HEMK2: variants seen among roughly 807,000 people sequenced by gnomAD.
HEMK2 encodes HemK methyltransferase 2, ETF1 glutamine and histone H4 lysine, also known as methyltransferase HEMK2.
the HEMK2 span, among the ~76,000 whole-genome samples, chr21:28,800,851 CA>C: frequency 6.6e-6 from 1 of 152,024 alleles, no homozygotes; most frequent in African/African-American, 2.4e-5. Flanking sequence ...CAAAAGTAGC[CA>C]AAAGAAAAGC....
the HEMK2 span, among the ~76,000 whole-genome samples, chr21:28,588,876 A>G: frequency 2.0e-5 from 3 of 151,640 alleles, no homozygotes; most frequent in Middle Eastern, 3.2e-3. Flanking sequence ...CCAGCTACTC[A>G]GGAGGCTAAG....
the HEMK2 span, among the ~76,000 whole-genome samples, chr21:28,877,306 G>GGAAGGA: frequency 5.4e-5 from 2 of 37,238 alleles, no homozygotes; most frequent in Non-Finnish European, 1.7e-4. Context: ...GGAAGAGAGA[G>GGAAGGA]AGAAAGAGAG....
At chr21:28,804,946 TG>T in the HEMK2 span, among the ~76,000 whole-genome samples, 1 of 152,246 alleles carries the variant, frequency 6.6e-6, no homozygotes, top group Non-Finnish European at 1.5e-5. Context: ...TACAGAAACC[TG>T]GGTTGTCATT....
chr21:28,697,101 T>G, the HEMK2 span, among the ~76,000 whole-genome samples: 2 of 152,332 alleles, frequency 1.3e-5, no homozygotes, highest in South Asian at 4.1e-4. Context: ...CCTGTTGTCT[T>G]GGTTATTAAC....
chr21:28,639,740 T>A, the HEMK2 span, among the ~76,000 whole-genome samples: 14 of 152,248 alleles, frequency 9.2e-5, no homozygotes, highest in South Asian at 2.7e-3. Flanking sequence ...AAATAGTTAT[T>A]CAAATCATGT....
chr21:28,844,714 GTATT>G, the HEMK2 span, among the ~76,000 whole-genome samples: 2 of 151,970 alleles, frequency 1.3e-5, no homozygotes, highest in African/African-American at 2.4e-5. Context: ...ACCACCAGTA[GTATT>G]TATTATAACT....
chr21:28,806,737 A>C, the HEMK2 span, among the ~76,000 whole-genome samples: 1 of 152,176 alleles, frequency 6.6e-6, no homozygotes, highest in Non-Finnish European at 1.5e-5. Context: ...AAGATGGACG[A>C]ATGAAAATGG....
At chr21:28,730,177 A>G in the HEMK2 span, among the ~76,000 whole-genome samples, 3 of 150,634 alleles carry the variant, frequency 2.0e-5, no homozygotes, top group Non-Finnish European at 4.4e-5. Flanking sequence ...CAGGAGTTCA[A>G]GACCAGCCTG....
At chr21:28,615,886 T>C in the HEMK2 span, among the ~76,000 whole-genome samples, 1 of 152,096 alleles carries the variant, frequency 6.6e-6, no homozygotes, top group African/African-American at 2.4e-5. Context: ...CAGAGTGGGG[T>C]AGATAAATCA....
the HEMK2 span, among the ~76,000 whole-genome samples, chr21:28,613,619 C>CTTTTTTTTTTTTTTTTTTTTTTTTTTTTT: frequency 1.2e-5 from 1 of 82,704 alleles, no homozygotes; most frequent in South Asian, 5.0e-4. Flanking sequence ...TCTGCATATT[C>CTTTTTTTTTTTTTTTTTTTTTTTTTTTTT]TTTTTTTTTT....
the HEMK2 span, among the ~76,000 whole-genome samples, chr21:28,824,028 C>T: frequency 4.3e-3 from 648 of 152,222 alleles, 1 homozygote; most frequent in Non-Finnish European, 6.4e-3. Context: ...TAAGCTTCTC[C>T]CAAATGATGC....
At chr21:28,766,842 T>C in the HEMK2 span, among the ~76,000 whole-genome samples, 2 of 152,068 alleles carry the variant, frequency 1.3e-5, no homozygotes, top group African/African-American at 2.4e-5. Context: ...CTTTAGGGAC[T>C]CAGGGATGAG....
chr21:28,592,527 G>T, the HEMK2 span, among the ~76,000 whole-genome samples: 2 of 152,178 alleles, frequency 1.3e-5, no homozygotes, highest in Non-Finnish European at 2.9e-5. Context: ...AATCATGTCA[G>T]TTTATAAAAT....
the HEMK2 span, among the ~76,000 whole-genome samples, chr21:28,813,479 T>C: frequency 6.6e-6 from 1 of 152,122 alleles, no homozygotes; most frequent in Non-Finnish European, 1.5e-5. Flanking sequence ...GAAGAATCAA[T>C]ATCGTGAAAA....
the HEMK2 span, among the ~76,000 whole-genome samples, chr21:28,586,447 A>C: frequency 6.6e-6 from 1 of 152,184 alleles, no homozygotes; most frequent in Non-Finnish European, 1.5e-5. Flanking sequence ...CTGTCTTCCA[A>C]AGATAGTATA....
chr21:28,637,382 A>G, the HEMK2 span, among the ~76,000 whole-genome samples: 1 of 152,168 alleles, frequency 6.6e-6, no homozygotes, highest in South Asian at 2.1e-4. Flanking sequence ...AAAGGGATTA[A>G]AAGATCACTT....
the HEMK2 span, among the ~76,000 whole-genome samples, chr21:28,793,128 A>AT: frequency 2.6e-5 from 4 of 152,128 alleles, no homozygotes; most frequent in Non-Finnish European, 2.9e-5. Context: ...ATTCACATGG[A>AT]TTTTAGTATT....
the HEMK2 span, among the ~76,000 whole-genome samples, chr21:28,870,002 C>T: frequency 1.3e-5 from 2 of 152,206 alleles, no homozygotes; most frequent in African/African-American, 4.8e-5. Flanking sequence ...TTCTCCCAGT[C>T]ATCCTTACCT....
At chr21:28,752,223 C>T in the HEMK2 span, among the ~76,000 whole-genome samples, 1 of 152,144 alleles carries the variant, frequency 6.6e-6, no homozygotes, top group African/African-American at 2.4e-5. Context: ...TCTTACAGAG[C>T]TAAACAAACA....
Sources: gnomAD v4.1 joint callset for allele counts (sites outside exome capture counted in the v4.1 genomes callset) on GRCh38, gnomAD v4.1.1 for gene constraint, MANE v1.5 for transcripts, NCBI Gene and HGNC (gene_info 2026-07-23, HGNC 2026-07-21) for gene names.